Variants in DLGAP2 observed in about 807,000 individuals in gnomAD.
DLGAP2 encodes the protein disks large-associated protein 2.
A neutral mutation model predicts 100.3 loss-of-function variants in DLGAP2; 26 were observed. The observed-to-expected ratio is 0.26, with a 90% CI of 0.19 to 0.36. The LOEUF is 0.36. DLGAP2 is among the 10% of genes least tolerant of loss of function. The pLI, the probability that DLGAP2 is intolerant of heterozygous loss-of-function variation, is 1.00. For missense variants in DLGAP2, 1,858 were observed against 1,453.2 expected (o/e 1.28, Z -4.53); for synonymous variants, 886 against 630.1 (o/e 1.41, Z -6.08).
chr8:1,509,646 T>C (rs1800087900), intron 4 of DLGAP2, among the ~76,000 whole-genome samples: 1 of 152,138 alleles, frequency 6.6e-6, no homozygotes, highest in Non-Finnish European at 1.5e-5. Flanking sequence ...GCACATACAC[T>C]GGAACTTGAG....
At chr8:809,694 T>C (rs977315576) in intron 1 of DLGAP2, among the ~76,000 whole-genome samples, 3 of 152,172 alleles carry the variant, frequency 2.0e-5, no homozygotes, top group Non-Finnish European at 4.4e-5. Context: ...TCATGTGAGC[T>C]CACCTCCTTT....
intron 2 of DLGAP2, among the ~76,000 whole-genome samples, chr8:916,672 A>C (rs761381887): frequency 6.6e-6 from 1 of 152,214 alleles, no homozygotes; most frequent in Non-Finnish European, 1.5e-5. Context: ...AAATTAAAGA[A>C]AATAAATTTA....
chr8:1,159,678 A>G (rs1796853866), intron 2 of DLGAP2, among the ~76,000 whole-genome samples: 1 of 152,204 alleles, frequency 6.6e-6, no homozygotes, highest in African/African-American at 2.4e-5. Flanking sequence ...TGGTTATTTT[A>G]TATACATTTT....
chr8:847,149 AT>A (rs2128986763), intron 1 of DLGAP2, among the ~76,000 whole-genome samples: 1 of 152,328 alleles, frequency 6.6e-6, no homozygotes, highest in South Asian at 2.1e-4. Flanking sequence ...CACTGATTCA[AT>A]AACTGTTATG....
chr8:1,629,535 G>A (rs1207028649), intron 7 of DLGAP2, among the ~76,000 whole-genome samples: 2 of 152,152 alleles, frequency 1.3e-5, no homozygotes, highest in Non-Finnish European at 2.9e-5. Flanking sequence ...AAGATGATAT[G>A]GGGAGACACT....
chr8:1,161,423 C>T (rs1276379335), intron 2 of DLGAP2, among the ~76,000 whole-genome samples: 1 of 152,178 alleles, frequency 6.6e-6, no homozygotes, highest in Admixed American at 6.5e-5. Flanking sequence ...GAACAGAGAT[C>T]AAAAGGCTTT....
At chr8:799,141 C>A (rs1027146569) in intron 1 of DLGAP2, among the ~76,000 whole-genome samples, 1 of 152,182 alleles carries the variant, frequency 6.6e-6, no homozygotes, top group Non-Finnish European at 1.5e-5. Context: ...AGTTTTCTCC[C>A]TAAGAATCCG....
At chr8:1,246,025 G>A (rs1257095908) in intron 2 of DLGAP2, among the ~76,000 whole-genome samples, 2 of 152,178 alleles carry the variant, frequency 1.3e-5, no homozygotes, top group East Asian at 3.9e-4. Flanking sequence ...CAAATTTCAT[G>A]TTGATATTTG....
chr8:1,218,287 G>C (rs1226038425), intron 2 of DLGAP2, among the ~76,000 whole-genome samples: 5 of 152,198 alleles, frequency 3.3e-5, no homozygotes, highest in African/African-American at 1.2e-4. Context: ...AAGTGGCCCA[G>C]TTTCAATCTT....
At chr8:1,586,570 C>G (rs1331211358) in intron 6 of DLGAP2, among the ~76,000 whole-genome samples, 1 of 152,206 alleles carries the variant, frequency 6.6e-6, no homozygotes, top group Non-Finnish European at 1.5e-5. Context: ...TCGATTCCAC[C>G]TGCAACCTTC....
chr8:1,267,592 AT>A (rs375081493), intron 3 of DLGAP2, among the ~76,000 whole-genome samples: 6 of 40,376 alleles, frequency 1.5e-4, no homozygotes, highest in East Asian at 1.5e-3. Context: ...ATAAAATAAG[AT>A]AAGATAAGAT....
intron 3 of DLGAP2, among the ~76,000 whole-genome samples, chr8:1,451,384 A>C (rs1420354996): frequency 6.6e-6 from 1 of 152,078 alleles, no homozygotes; most frequent in Non-Finnish European, 1.5e-5. Context: ...TGAGTCCTCC[A>C]GCCACCTCCT....
chr8:1,027,147 A>G (rs139339688), intron 2 of DLGAP2, among the ~76,000 whole-genome samples: 141 of 152,382 alleles, frequency 9.3e-4, no homozygotes, highest in African/African-American at 3.1e-3. Context: ...TATAAACACA[A>G]GATGGGAAAT....
intron 4 of DLGAP2, among the ~76,000 whole-genome samples, chr8:1,516,329 G>A (rs2130393939): frequency 6.6e-6 from 1 of 152,234 alleles, no homozygotes; most frequent in African/African-American, 2.4e-5. Flanking sequence ...GGGAGTGAAT[G>A]AGTTCATGAA....
chr8:1,358,851 G>A (rs887448988), intron 3 of DLGAP2, among the ~76,000 whole-genome samples: 7 of 152,054 alleles, frequency 4.6e-5, no homozygotes, highest in Non-Finnish European at 7.4e-5. Flanking sequence ...GGAGCCCTGC[G>A]GCAGGGCGTG....
chr8:886,669 G>C lies in DLGAP2; in HGVS notation c.19-21243G>C, dbSNP rs144449811. 1.7e-3 allele frequency among the ~76,000 whole-genome samples: 266 copies of C among 152,260 alleles called. 3 individuals are homozygous for C. The highest frequency in any genetic ancestry group is 6.2e-3 in the African/African-American group (259 of 41,562). Reference sequence around the variant, plus strand: ...GGAGCAGGTTGTTCAATTTCCATGAGATTGTGTGGTTTTGAGTGAGTTTCT... The same window carrying C: ...GGAGCAGGTTGTTCAATTTCCATGACATTGTGTGGTTTTGAGTGAGTTTCT... On this transcript the variant is annotated intron_variant, in intron 1 of 14. Transcript: ENST00000637795.
At chr8:1,410,963 A>C (rs1333965187) in intron 3 of DLGAP2, among the ~76,000 whole-genome samples, 2 of 151,898 alleles carry the variant, frequency 1.3e-5, no homozygotes, top group Non-Finnish European at 2.9e-5. Context: ...TTTTGTTATA[A>C]TTGCATAGTG....
At chr8:1,314,015 C>G (rs990788766) in intron 3 of DLGAP2, among the ~76,000 whole-genome samples, 3 of 152,112 alleles carry the variant, frequency 2.0e-5, no homozygotes, top group African/African-American at 7.2e-5. Flanking sequence ...TGATACGAAA[C>G]ACGTGTTTAT....
At chr8:1,229,607 C>G (rs752402558) in intron 2 of DLGAP2, among the ~76,000 whole-genome samples, 4 of 152,078 alleles carry the variant, frequency 2.6e-5, no homozygotes, top group Non-Finnish European at 5.9e-5. Flanking sequence ...TTGATGAACA[C>G]AGATGCAAAC....
Sources: allele counts gnomAD v4.1 joint callset (sites outside exome capture counted in the v4.1 genomes callset), GRCh38; gene constraint gnomAD v4.1.1; transcripts MANE v1.5; gene names NCBI Gene and HGNC (gene_info 2026-07-23, HGNC 2026-07-21).